Variants in NFATC3 observed in about 807,000 individuals in gnomAD.
NFATC3 encodes nuclear factor of activated T cells 3, also known as nuclear factor of activated T-cells, cytoplasmic 3.
In NFATC3, 46 loss-of-function variants were observed where a neutral mutation model predicts 98.6. The observed-to-expected ratio is 0.47, with a 90% CI of 0.37 to 0.60. The LOEUF is 0.60. NFATC3 is among the 20% of genes least tolerant of loss of function. The pLI, the probability that NFATC3 is intolerant of heterozygous loss-of-function variation, is 0.00. For synonymous variants in NFATC3, 512 were observed against 472.2 expected (o/e 1.08, Z -1.09); for missense variants, 1,256 against 1,295.5 (o/e 0.97, Z 0.47).
At chr16:68,124,778 C>CA in intron 2 of NFATC3, among the ~76,000 whole-genome samples, 1 of 150,250 alleles carries the variant, frequency 6.7e-6, no homozygotes, top group Non-Finnish European at 1.5e-5. Context: ...CGCCCAGGCT[C>CA]AAGTGCAGTG....
At chr16:68,159,404 CTTTT>C (rs577760579) in intron 4 of NFATC3, among the ~76,000 whole-genome samples, 1 of 133,358 alleles carries the variant, frequency 7.5e-6, no homozygotes, top group Non-Finnish European at 1.6e-5. Flanking sequence ...ACCTTTCTTT[CTTTT>C]TTTTTTTTTT....
Position 68,191,541 on chromosome 16 carries a change from G to A in NFATC3, c.2872G>A (p.Gly958Arg). The A allele has an allele frequency of 6.2e-7, 1 of 1,614,084 alleles. No individual in the cohort carries two copies. The highest frequency in any genetic ancestry group is 2.2e-5 in the East Asian group (1 of 44,880). ...TATGCCTTACCAATCTCCTAGCTCA[G>A]GAACTGCCTCATCACCGTCTCCAGC... ...QPMPYQSPSS[G>R]TASSPSPATR... is the part of the protein sequence containing the mutation. Residue 958 changes from glycine (G) to arginine (R), a missense_variant, in exon 9 of 10, where the codon GGA (glycine) becomes AGA (arginine). Coordinates refer to ENST00000346183, the MANE Select transcript of NFATC3 (RefSeq NM_173165.3).
At chr16:68,222,394 C>T (rs1274279309) in intron 9 of NFATC3, among the ~76,000 whole-genome samples, 1 of 148,780 alleles carries the variant, frequency 6.7e-6, no homozygotes, top group Admixed American at 6.7e-5. Flanking sequence ...CATTTAAAAT[C>T]CGTTTGTAGT....
rs571532992 is a variant in NFATC3 at position 68,229,193 on chromosome 16, G to A, written c.*2722G>A. 2.6e-5 allele frequency: 4 copies of A among 152,364 alleles called. No homozygotes were observed. The highest frequency in any genetic ancestry group is 4.1e-4 in the South Asian group (2 of 4,828). 9.4% of individuals were successfully genotyped at this position (152,364 alleles called of 1,614,324 possible). On this transcript the variant is annotated 3_prime_UTR_variant, in exon 10 of 10. Coordinates refer to ENST00000346183, the MANE Select transcript of NFATC3 (RefSeq NM_173165.3). ...GCTCCTTACACAAATACAAAGGGAA[G>A]AAGAGCCAGCAGTTGAGGCTCCTCA...
chr16:68,141,693 G>T (rs1262632476), intron 3 of NFATC3, among the ~76,000 whole-genome samples: 1 of 152,016 alleles, frequency 6.6e-6, no homozygotes, highest in Admixed American at 6.6e-5. Context: ...TGAGTTCCTT[G>T]TAGATTCTGG....
intron 4 of NFATC3, among the ~76,000 whole-genome samples, chr16:68,166,310 T>C (rs1477540654): frequency 6.6e-6 from 1 of 152,166 alleles, no homozygotes; most frequent in South Asian, 2.1e-4. Context: ...GTACCTGGAT[T>C]AAGTGGGAGC....
chr16:68,125,611 CA>C (rs1443827701), intron 2 of NFATC3, among the ~76,000 whole-genome samples: 14 of 152,064 alleles, frequency 9.2e-5, no homozygotes, highest in African/African-American at 3.4e-4. Context: ...GTGATAACTT[CA>C]GTAGGCTGAC....
chr16:68,165,664 G>A (rs1299476658), intron 4 of NFATC3, among the ~76,000 whole-genome samples: 1 of 152,022 alleles, frequency 6.6e-6, no homozygotes, highest in African/African-American at 2.4e-5. Flanking sequence ...CCAAAGTGCT[G>A]GGATTACAGG....
intron 3 of NFATC3, among the ~76,000 whole-genome samples, chr16:68,140,839 T>A (rs989337742): frequency 1.3e-5 from 2 of 152,152 alleles, no homozygotes; most frequent in African/African-American, 4.8e-5. Context: ...AGTGGTTTTT[T>A]GTTAAATGGA....
intron 3 of NFATC3, chr16:68,138,821 C>A: frequency 8.2e-7 from 1 of 1,223,274 alleles, no homozygotes; most frequent in Non-Finnish European, 1.0e-6. Context: ...GCCACATGCT[C>A]CACACAGGAA....
At chr16:68,149,500 T>G (rs1278853330) in intron 3 of NFATC3, among the ~76,000 whole-genome samples, 1 of 152,170 alleles carries the variant, frequency 6.6e-6, no homozygotes, top group Non-Finnish European at 1.5e-5. Flanking sequence ...GAAATATAAT[T>G]AAAATACACT....
intron 6 of NFATC3, among the ~76,000 whole-genome samples, chr16:68,179,775 G>T (rs939577297): frequency 2.6e-5 from 4 of 152,132 alleles, no homozygotes; most frequent in African/African-American, 9.7e-5. Flanking sequence ...CATTTTTTAG[G>T]ACCATCAGTA....
chr16:68,139,548 A>G (rs1160347335), intron 3 of NFATC3, among the ~76,000 whole-genome samples: 1 of 152,218 alleles, frequency 6.6e-6, no homozygotes, highest in Non-Finnish European at 1.5e-5. Flanking sequence ...ATCAGTTATA[A>G]TGATCTTCCT....
intron 8 of NFATC3, among the ~76,000 whole-genome samples, chr16:68,190,365 C>A (rs775465941): frequency 5.3e-5 from 8 of 152,066 alleles, no homozygotes; most frequent in Non-Finnish European, 1.0e-4. Flanking sequence ...CTTAATTAGG[C>A]CCTAGGGCTT....
At chr16:68,149,763 G>C (rs1161431251) in intron 3 of NFATC3, among the ~76,000 whole-genome samples, 1 of 152,004 alleles carries the variant, frequency 6.6e-6, no homozygotes, top group East Asian at 1.9e-4. Context: ...GCAGACAAAG[G>C]GTTAATATGC....
intron 1 of NFATC3, among the ~76,000 whole-genome samples, chr16:68,094,010 C>G (rs1190378120): frequency 6.6e-6 from 1 of 152,310 alleles, no homozygotes; most frequent in Admixed American, 6.5e-5. Flanking sequence ...CTTCTTATTC[C>G]TGCCTGCTCT....
intron 1 of NFATC3, among the ~76,000 whole-genome samples, chr16:68,087,163 C>G (rs1180133786): frequency 2.0e-5 from 3 of 152,124 alleles, no homozygotes; most frequent in Admixed American, 2.0e-4. Context: ...AGAAAAACAG[C>G]TTGTTTGAGT....
At chr16:68,147,422 C>A (rs139265923) in intron 3 of NFATC3, among the ~76,000 whole-genome samples, 2 of 152,258 alleles carry the variant, frequency 1.3e-5, no homozygotes, top group East Asian at 3.9e-4. Flanking sequence ...TGACTAACTT[C>A]ATGAGTTATT....
At chr16:68,134,545 T>C (rs1035588161) in intron 3 of NFATC3, among the ~76,000 whole-genome samples, 9 of 152,140 alleles carry the variant, frequency 5.9e-5, no homozygotes, top group Non-Finnish European at 1.5e-5. Flanking sequence ...ATTTTTATAC[T>C]TTTTCCCCCC....
Sources: allele counts gnomAD v4.1 joint callset (sites outside exome capture counted in the v4.1 genomes callset), GRCh38; gene constraint gnomAD v4.1.1; transcripts MANE v1.5; gene names NCBI Gene and HGNC (gene_info 2026-07-23, HGNC 2026-07-21).